AUTS2: variants seen among roughly 807,000 people sequenced by gnomAD.
AUTS2 encodes the protein activator of transcription and developmental regulator AUTS2, also known as autism susceptibility gene 2 protein.
A neutral mutation model predicts 112.4 loss-of-function variants in AUTS2; 17 were observed. That is an observed-to-expected ratio of 0.15 (90% CI 0.10 to 0.23). AUTS2 has a LOEUF of 0.23. Among genes scored for constraint, AUTS2 ranks in the 10% least tolerant of loss-of-function variants. The pLI, the probability that AUTS2 is intolerant of heterozygous loss-of-function variation, is 1.00. For synonymous variants in AUTS2, 751 were observed against 702.7 expected (o/e 1.07, Z -1.09); for missense variants, 1,510 against 1,701.6 (o/e 0.89, Z 1.98).
At chr7:70,144,549 C>T (rs766073610) in intron 4 of AUTS2, among the ~76,000 whole-genome samples, 3 of 152,020 alleles carry the variant, frequency 2.0e-5, no homozygotes, top group African/African-American at 4.8e-5. Flanking sequence ...AAGTTGTTTT[C>T]GCCTAATTGT....
At chr7:69,763,657 G>A (rs984122342) in intron 1 of AUTS2, among the ~76,000 whole-genome samples, 2 of 152,086 alleles carry the variant, frequency 1.3e-5, no homozygotes, top group Non-Finnish European at 2.9e-5. Context: ...TCTGTACAAA[G>A]TATCTTTATT....
intron 4 of AUTS2, among the ~76,000 whole-genome samples, chr7:70,217,947 T>C (rs1269070702): frequency 6.6e-6 from 1 of 152,236 alleles, no homozygotes; most frequent in African/African-American, 2.4e-5. Flanking sequence ...TGTTTGTTTG[T>C]TTGTTTGTTT....
chr7:70,753,899 G>C (rs934536812), intron 6 of AUTS2, among the ~76,000 whole-genome samples: 6 of 152,118 alleles, frequency 3.9e-5, no homozygotes, highest in Admixed American at 1.3e-4. Context: ...GCTCACGCCT[G>C]TAATCCCCGC....
chr7:70,626,357 CT>C (rs1315745938), intron 5 of AUTS2, among the ~76,000 whole-genome samples: 1 of 17,698 alleles, frequency 5.7e-5, no homozygotes, highest in Non-Finnish European at 8.9e-5. Flanking sequence ...GACCTTGTTT[CT>C]AAAAAAAAAA....
chr7:70,362,876 A>T (rs1441180458), intron 4 of AUTS2, among the ~76,000 whole-genome samples: 1 of 152,232 alleles, frequency 6.6e-6, no homozygotes. Context: ...ACAGTGGTGA[A>T]CATGGAGGTG....
intron 4 of AUTS2, among the ~76,000 whole-genome samples, chr7:70,270,529 C>T (rs1054370021): frequency 6.6e-6 from 1 of 152,060 alleles, no homozygotes; most frequent in Non-Finnish European, 1.5e-5. Context: ...GACCCTTGTA[C>T]AGTATACTAA....
At chr7:70,259,362 A>G (rs1584943304) in intron 4 of AUTS2, among the ~76,000 whole-genome samples, 1 of 148,982 alleles carries the variant, frequency 6.7e-6, no homozygotes, top group East Asian at 2.0e-4. Flanking sequence ...AAGCCTTTTC[A>G]GTTCTTAAAC....
intron 1 of AUTS2, among the ~76,000 whole-genome samples, chr7:69,793,795 G>A (rs749306586): frequency 1.3e-5 from 2 of 152,136 alleles, no homozygotes; most frequent in Non-Finnish European, 2.9e-5. Context: ...CATTTTTAAA[G>A]CTTCCTACAT....
chr7:70,112,394 G>A (rs1805131709), intron 2 of AUTS2, among the ~76,000 whole-genome samples: 1 of 151,806 alleles, frequency 6.6e-6, no homozygotes, highest in Non-Finnish European at 1.5e-5. Flanking sequence ...TTCAGTTGGT[G>A]GTAATGTCCC....
At chr7:70,411,759 T>C (rs1794786184) in intron 4 of AUTS2, among the ~76,000 whole-genome samples, 1 of 151,996 alleles carries the variant, frequency 6.6e-6, no homozygotes, top group Admixed American at 6.5e-5. Flanking sequence ...TCACAGACCA[T>C]AGGGGAATAT....
intron 1 of AUTS2, among the ~76,000 whole-genome samples, chr7:69,604,879 T>A (rs1002308906): frequency 6.6e-6 from 1 of 152,222 alleles, no homozygotes; most frequent in African/African-American, 2.4e-5. Flanking sequence ...GAGTAAAGCT[T>A]CTCAAGCTGG....
chr7:69,709,822 A>G (rs1384064940), intron 1 of AUTS2, among the ~76,000 whole-genome samples: 1 of 152,198 alleles, frequency 6.6e-6, no homozygotes, highest in African/African-American at 2.4e-5. Context: ...TGTTTCTCAG[A>G]TAACTCTTGC....
chr7:69,688,437 T>C (rs1473981831), intron 1 of AUTS2, among the ~76,000 whole-genome samples: 1 of 152,270 alleles, frequency 6.6e-6, no homozygotes, highest in East Asian at 1.9e-4. Flanking sequence ...GTACAGGCTG[T>C]GCATAACAAT....
At chr7:70,323,276 G>A (rs910170657) in intron 4 of AUTS2, among the ~76,000 whole-genome samples, 1 of 152,174 alleles carries the variant, frequency 6.6e-6, no homozygotes, top group African/African-American at 2.4e-5. Flanking sequence ...CCAACTCAGA[G>A]GCTGAGACAA....
chr7:70,703,297 C>T (rs1809558037), intron 6 of AUTS2, among the ~76,000 whole-genome samples: 1 of 152,046 alleles, frequency 6.6e-6, no homozygotes, highest in Non-Finnish European at 1.5e-5. Context: ...GAGCTCAAAA[C>T]CAGCCTGGGC....
chr7:70,116,137 C>T (rs893201244), intron 2 of AUTS2, among the ~76,000 whole-genome samples: 1 of 152,140 alleles, frequency 6.6e-6, no homozygotes, highest in Non-Finnish European at 1.5e-5. Flanking sequence ...TCTGAATTAA[C>T]TTAGAATGAG....
At chr7:70,752,498 T>C (rs993323913) in intron 6 of AUTS2, among the ~76,000 whole-genome samples, 9 of 152,200 alleles carry the variant, frequency 5.9e-5, no homozygotes, top group African/African-American at 1.9e-4. Flanking sequence ...CAGAATAAGA[T>C]ATAGGATATC....
At position 70,118,205 on chromosome 7, in the gene AUTS2, G is replaced by A. The variant is rs575812317; in HGVS notation, c.596G>A (p.Arg199Gln). ...SASGESKGFH[R>Q]SSSRERLSDS... Reference sequence around the variant, plus strand: ...AGTGGAGAATCCAAGGGCTTCCACCGGAGCAGCTCTCGGGAAAGGCTCAGT... The same window carrying A: ...AGTGGAGAATCCAAGGGCTTCCACCAGAGCAGCTCTCGGGAAAGGCTCAGT... The change falls in exon 3 of 19, where the codon CGG (arginine) becomes CAG (glutamine). Residue 199 changes from arginine (R) to glutamine (Q), a missense_variant. Transcript: ENST00000342771. The A allele has an allele frequency of 3.8e-5, 61 of 1,605,496 alleles. No individual in the cohort carries two copies. Among genetic ancestry groups the A allele is most frequent in the African/African-American group, 3.3e-4 (24 of 73,280 alleles).
At chr7:70,385,983 G>T (rs990196444) in intron 4 of AUTS2, among the ~76,000 whole-genome samples, 2 of 152,188 alleles carry the variant, frequency 1.3e-5, no homozygotes, top group Admixed American at 1.3e-4. Flanking sequence ...TAGAAACATA[G>T]ACGTTGGTCC....
Sources: gnomAD v4.1 joint callset for allele counts (sites outside exome capture counted in the v4.1 genomes callset) on GRCh38, gnomAD v4.1.1 for gene constraint, MANE v1.5 for transcripts, NCBI Gene and HGNC (gene_info 2026-07-23, HGNC 2026-07-21) for gene names.